The following NAV3 variants were observed in gnomAD, a reference collection of about 807,000 sequenced individuals.
The protein encoded by NAV3 is neuron navigator 3.
Under a neutral mutation model 244.7 loss-of-function variants are expected in NAV3, and 87 were observed. The observed-to-expected ratio is 0.36, with a 90% confidence interval of 0.30 to 0.42. The LOEUF is 0.42. Among genes scored for constraint, NAV3 ranks in the 20% least tolerant of loss-of-function variants. The pLI, the probability that NAV3 is intolerant of heterozygous loss-of-function variation, is 1.00. For synonymous variants in NAV3, 1,126 were observed against 1,042.2 expected (o/e 1.08, Z -1.55); for missense variants, 2,663 against 2,893.3 (o/e 0.92, Z 1.83).
chr12:77,760,953 C>T (rs1300598036), intron 2 of NAV3, among the ~76,000 whole-genome samples: 2 of 152,156 alleles, frequency 1.3e-5, no homozygotes, highest in African/African-American at 4.8e-5. Context: ...GAAACCCCAC[C>T]CTATTTCTGC....
chr12:78,199,648 G>T, intron 37 of NAV3, 117 bp downstream of exon 37: 4 of 715,212 alleles, frequency 5.6e-6, no homozygotes, highest in South Asian at 3.1e-5. Flanking sequence ...AGCTTCCAAA[G>T]ATTTATTTTT....
chr12:77,613,963 A>G lies in NAV3; in HGVS notation c.72+41697A>G, dbSNP rs535175570. 1.5e-4 allele frequency among the ~76,000 whole-genome samples: 23 copies of G among 150,528 alleles called. No homozygotes were observed. In the South Asian group the frequency reaches 5.0e-3, roughly 32 times the overall value. ...GGCTTCCCCCTATAACATGAAGTGT[A>G]TGATTACGTAAAAGTGGGAATTGTC... On this transcript the variant is annotated intron_variant, in intron 2 of 8. Transcript: ENST00000550042.
chr12:77,820,322 T>C (rs1440501844), intron 2 of NAV3, among the ~76,000 whole-genome samples: 1 of 152,164 alleles, frequency 6.6e-6, no homozygotes, highest in Non-Finnish European at 1.5e-5. Flanking sequence ...TTATATCCCA[T>C]AGTTCTAGAG....
intron 23 of NAV3, among the ~76,000 whole-genome samples, chr12:78,165,344 G>A (rs1432878021): frequency 6.6e-6 from 1 of 151,870 alleles, no homozygotes; most frequent in East Asian, 1.9e-4. Context: ...TATTTAATGA[G>A]AATAAGAAAC....
intron 18 of NAV3, among the ~76,000 whole-genome samples, chr12:78,136,927 T>C (rs1428881681): frequency 6.6e-6 from 1 of 151,986 alleles, no homozygotes; most frequent in African/African-American, 2.4e-5. Context: ...GCAGTAGAGG[T>C]GACTTGTTGG....
intron 1 of NAV3, among the ~76,000 whole-genome samples, chr12:77,939,960 T>G (rs1297790948): frequency 6.6e-6 from 1 of 152,192 alleles, no homozygotes; most frequent in Non-Finnish European, 1.5e-5. Flanking sequence ...CCAGGTGGGT[T>G]TCTTTTACAT....
At chr12:77,984,842 A>C (rs1156628206) in intron 5 of NAV3, among the ~76,000 whole-genome samples, 1 of 151,456 alleles carries the variant, frequency 6.6e-6, no homozygotes, top group Non-Finnish European at 1.5e-5. Context: ...TTCGAGACGG[A>C]GTCTCGCTCT....
chr12:77,935,858 G>A (rs115988840), intron 1 of NAV3, among the ~76,000 whole-genome samples: 161 of 152,192 alleles, frequency 1.1e-3, no homozygotes, highest in African/African-American at 3.6e-3. Flanking sequence ...AGAGCCAAGG[G>A]GGATGTGCTA....
At chr12:77,866,282 C>T (rs1880010205) in intron 1 of NAV3, among the ~76,000 whole-genome samples, 1 of 152,130 alleles carries the variant, frequency 6.6e-6, no homozygotes, top group Non-Finnish European at 1.5e-5. Flanking sequence ...AAAGTGAATA[C>T]ATTAGTCTTA....
chr12:77,690,250 A>G (rs185288038), intron 2 of NAV3, among the ~76,000 whole-genome samples: 1 of 151,984 alleles, frequency 6.6e-6, no homozygotes, highest in Admixed American at 6.6e-5. Flanking sequence ...TACTGAAGAA[A>G]CGAACTGTCT....
At chr12:78,186,621 AAC>A (rs2139818657) in intron 31 of NAV3, among the ~76,000 whole-genome samples, 1 of 151,970 alleles carries the variant, frequency 6.6e-6, no homozygotes, top group East Asian at 1.9e-4. Flanking sequence ...CTGGGTTATA[AAC>A]ACACTGAAAA....
chr12:77,636,768 A>G (rs901765264), intron 2 of NAV3, among the ~76,000 whole-genome samples: 5 of 152,284 alleles, frequency 3.3e-5, no homozygotes, highest in African/African-American at 1.2e-4. Flanking sequence ...GATAGACTGG[A>G]TAAAGAAAAT....
intron 1 of NAV3, among the ~76,000 whole-genome samples, chr12:77,892,673 T>C (rs2619060): frequency 0.91 from 138,502 of 152,210 alleles, 63,091 homozygotes; most frequent in East Asian, 1. Context: ...CCTTGGCCTC[T>C]CAACGTGCTG....
intron 12 of NAV3, among the ~76,000 whole-genome samples, chr12:78,116,385 G>T (rs898288): frequency 0.74 from 112,499 of 152,070 alleles, 41,835 homozygotes; most frequent in Non-Finnish European, 0.78. Flanking sequence ...CACAAGTTTT[G>T]GATTTTTAGA....
chr12:77,633,738 A>C (rs1250284165), intron 2 of NAV3, among the ~76,000 whole-genome samples: 1 of 152,182 alleles, frequency 6.6e-6, no homozygotes, highest in Non-Finnish European at 1.5e-5. Flanking sequence ...ATGAAGTTCA[A>C]AGTCGAGACA....
chr12:77,961,560 AT>A (rs1891996018), intron 3 of NAV3, among the ~76,000 whole-genome samples: 11 of 143,278 alleles, frequency 7.7e-5, no homozygotes, highest in African/African-American at 1.5e-4. Context: ...AATATATATT[AT>A]TAAAGTAAAT....
rs1883730099 is a variant in NAV3 at position 78,057,802 on chromosome 12, A to G, written c.2517-1194A>G. Among the ~76,000 whole-genome samples the G allele has an allele frequency of 2.6e-5, 4 of 152,260 alleles. No homozygotes were observed. In the South Asian group the frequency reaches 8.3e-4, roughly 32 times the overall value. ...AAGTAGCAGCACTGTAGTTGAACCT[A>G]AGCAGTCTGGCTCTGGTCTACACTC... On this transcript the variant is annotated intron_variant, in intron 11 of 39. Coordinates refer to ENST00000397909, the MANE Select transcript of NAV3 (RefSeq NM_001024383.2).
chr12:77,876,489 T>C (rs1430123347), intron 1 of NAV3, among the ~76,000 whole-genome samples: 1 of 152,090 alleles, frequency 6.6e-6, no homozygotes, highest in African/African-American at 2.4e-5. Context: ...TAGTTTATCA[T>C]GGTAGTCAAT....
chr12:78,162,955 T>TATTATAAATATATATATA (rs1957626258), intron 23 of NAV3, among the ~76,000 whole-genome samples: 1 of 140,786 alleles, frequency 7.1e-6, no homozygotes, highest in African/African-American at 2.6e-5. Context: ...AAATATGTAA[T>TATTATAAATATATATATA]TTATATATAT....
Sources: gnomAD v4.1 joint callset for allele counts (sites outside exome capture counted in the v4.1 genomes callset) on GRCh38, gnomAD v4.1.1 for gene constraint, MANE v1.5 for transcripts, NCBI Gene and HGNC (gene_info 2026-07-23, HGNC 2026-07-21) for gene names.